HDGFL3: variants seen among roughly 807,000 people sequenced by gnomAD.
HDGFL3 encodes the protein hepatoma-derived growth factor-related protein 3.
HDGFL3 carries 6 observed loss-of-function variants against 27.6 expected under a neutral mutation model. The observed-to-expected ratio is 0.22, with a 90% CI of 0.12 to 0.43. HDGFL3 has a LOEUF of 0.43. HDGFL3 is among the 20% of genes least tolerant of loss of function. The pLI, the probability that HDGFL3 is intolerant of heterozygous loss-of-function variation, is 1.00. For synonymous variants in HDGFL3, 88 were observed against 88.9 expected (o/e 0.99, Z 0.05); for missense variants, 207 against 250.1 (o/e 0.83, Z 1.16).
At chr15:83,169,180 A>T (rs546408038) in intron 1 of HDGFL3, 1 of 440,006 alleles carries the variant, frequency 2.3e-6, no homozygotes, top group Non-Finnish European at 4.6e-6. Flanking sequence ...CAAAAACTGG[A>T]AGCATGCCCC....
intron 3 of HDGFL3, 61 bp downstream of exon 3, chr15:83,157,837 AGATTT>A: frequency 7.0e-7 from 1 of 1,434,628 alleles, no homozygotes; most frequent in South Asian, 1.2e-5. Context: ...CATATAAGAA[AGATTT>A]GAAAAAGCGT....
At chr15:83,144,901 A>C (rs1470059875) in intron 5 of HDGFL3, 3 of 256,034 alleles carry the variant, frequency 1.2e-5, no homozygotes, top group Non-Finnish European at 2.3e-5. Context: ...AGTAGGTGTA[A>C]GCCAATCAGT....
rs58159581 is a variant in HDGFL3, at chr15:83,169,414, CAAAAAAAAAAAAAAAAA to C, written c.85-5356_85-5340del. On this transcript the variant is annotated intron_variant, in intron 1 of 5. Coordinates refer to ENST00000299633, the MANE Select transcript of HDGFL3 (RefSeq NM_016073.4). ...TGGGCGACAGAGCGAGACTCCGTCT[CAAAAAAAAAAAAAAAAA>C]AAAAAAAAAAAAAAAAGAAAGAAAA... Among the ~76,000 whole-genome samples, 74 of 35,578 alleles carry C rather than the reference CAAAAAAAAAAAAAAAAA, an allele frequency of 2.1e-3. 1 individual carries two copies. The East Asian group carries it at 0.061, about 30-fold the overall frequency. The allele number at this position is 35,578 out of a possible 152,430, so 23.3% of individuals were successfully genotyped here.
chr15:83,170,323 G>A lies in HDGFL3; in HGVS notation c.85-6248C>T, dbSNP rs193276107. 1.6e-3 allele frequency among the ~76,000 whole-genome samples: 239 copies of A among 152,196 alleles called. 1 individual carries two copies. The highest frequency in any genetic ancestry group is 5.7e-3 in the African/African-American group (235 of 41,542). ...ACATTACCTGACTTCAAACTATACTGTAAGGCCACATTAACCAAAACAGCA... is the reference window on the plus strand; with the variant it reads ...ACATTACCTGACTTCAAACTATACTATAAGGCCACATTAACCAAAACAGCA... On this transcript the variant is annotated intron_variant, in intron 1 of 5. Transcript: ENST00000299633.
intron 5 of HDGFL3, among the ~76,000 whole-genome samples, chr15:83,147,959 TGGGCAAAACCCAAAACACGCGCTGTACA>T (rs1365631665): frequency 1.3e-5 from 2 of 151,942 alleles, no homozygotes; most frequent in Admixed American, 1.3e-4. Context: ...AATAAGAAAA[TGGGCAAAACCCAAAACACGCGCTGTACA>T]GAAGAGAAAA....
chr15:83,179,605 T>C (rs534447136), intron 1 of HDGFL3, among the ~76,000 whole-genome samples: 19 of 152,330 alleles, frequency 1.2e-4, no homozygotes, highest in African/African-American at 4.6e-4. Flanking sequence ...CAAGGCCTAC[T>C]TCCTTAGTCC....
At chr15:83,148,580 C>T (rs567314586) in intron 5 of HDGFL3, among the ~76,000 whole-genome samples, 1 of 151,924 alleles carries the variant, frequency 6.6e-6, no homozygotes, top group African/African-American at 2.4e-5. Flanking sequence ...CAAGATCGCA[C>T]CACTGTACTC....
intron 2 of HDGFL3, among the ~76,000 whole-genome samples, chr15:83,159,069 G>A (rs1252920327): frequency 6.6e-6 from 1 of 152,110 alleles, no homozygotes; most frequent in East Asian, 1.9e-4. Flanking sequence ...TCGAACTCCT[G>A]ACTTCAGGTG....
rs2036369953 is a variant in HDGFL3 at position 83,133,155 on chromosome 15, C to A, written c.*6115G>T. 1 of 152,238 alleles carries A rather than the reference C, an allele frequency of 6.6e-6. No homozygotes were observed. Among genetic ancestry groups the A allele is most frequent in the African/African-American group, 2.4e-5 (1 of 41,460 alleles). The allele number at this position is 152,238 out of a possible 1,614,324, so 9.4% of individuals were successfully genotyped here. On this transcript the variant is annotated 3_prime_UTR_variant, in exon 6 of 6. Coordinates refer to ENST00000299633, the MANE Select transcript of HDGFL3 (RefSeq NM_016073.4). ...TTTGTGGTGGAGCTGTGATTTGACT[C>A]TGGATGTCTAGTTCCAAAGTCAGTG...
At position 83,143,065 on chromosome 15, in the gene HDGFL3, G is replaced by A. The variant is rs529993280; in HGVS notation, c.607-3790C>T. On this transcript the variant is annotated intron_variant, in intron 5 of 5. Transcript: ENST00000299633. ...GAGTCTTGCTCTGTCACCCAGGCTG[G>A]AGTACAGTGGCACAATCTCAGCTCA... Among the ~76,000 whole-genome samples the A allele has an allele frequency of 4.5e-4, 69 of 152,160 alleles. 3 individuals carry two copies. The South Asian group carries it at 0.014, about 30-fold the overall frequency.
chr15:83,194,232 C>A (rs930810274), intron 1 of HDGFL3, among the ~76,000 whole-genome samples: 1 of 152,058 alleles, frequency 6.6e-6, no homozygotes, highest in African/African-American at 2.4e-5. Context: ...GTTATTCAGT[C>A]TCAAAAAGGA....
chr15:83,191,192 T>C (rs901771197), intron 1 of HDGFL3, among the ~76,000 whole-genome samples: 1 of 152,194 alleles, frequency 6.6e-6, no homozygotes, highest in South Asian at 2.1e-4. Flanking sequence ...TGTGTGTTGA[T>C]AACTGATAGG....
chr15:83,113,630 A>T (rs2034394800), exon 4 of HDGFL3: 1 of 152,436 alleles, frequency 6.6e-6, no homozygotes, highest in African/African-American at 2.4e-5. Context: ...AGCAACAAAC[A>T]TTTATTTTTC....
At chr15:83,187,156 TTC>T (rs1214645463) in intron 1 of HDGFL3, among the ~76,000 whole-genome samples, 3 of 149,404 alleles carry the variant, frequency 2.0e-5, no homozygotes, top group Non-Finnish European at 4.4e-5. Flanking sequence ...TTCTTGGAAA[TTC>T]TTTTTTTTTT....
intron 3 of HDGFL3, among the ~76,000 whole-genome samples, chr15:83,119,142 C>T (rs925448713): frequency 1.3e-5 from 2 of 152,136 alleles, no homozygotes; most frequent in Non-Finnish European, 2.9e-5. Flanking sequence ...ATGCCCAGCC[C>T]AGCAAGCCAC....
intron 4 of HDGFL3, among the ~76,000 whole-genome samples, chr15:83,152,687 A>C (rs2036977930): frequency 6.6e-6 from 1 of 151,374 alleles, no homozygotes; most frequent in African/African-American, 2.4e-5. Flanking sequence ...TGTCTCGAAA[A>C]AAAAAAAAAA....
downstream of HDGFL3, chr15:83,127,502 G>T (rs1328680974): frequency 6.2e-7 from 1 of 1,611,818 alleles, no homozygotes; most frequent in Admixed American, 1.7e-5. Context: ...CTGTTGAGAA[G>T]GTTTACTTGT....
At chr15:83,144,713 G>C in intron 5 of HDGFL3, 1 of 355,864 alleles carries the variant, frequency 2.8e-6, no homozygotes, top group Non-Finnish European at 5.5e-6. Context: ...GATGATCTGA[G>C]TTCCTGCTGA....
At chr15:83,173,354 C>T (rs1441702138) in intron 1 of HDGFL3, among the ~76,000 whole-genome samples, 2 of 152,132 alleles carry the variant, frequency 1.3e-5, no homozygotes, top group African/African-American at 2.4e-5. Flanking sequence ...CAGCTATAGG[C>T]TAATGTAAGT....
Sources: gnomAD v4.1 joint callset for allele counts (sites outside exome capture counted in the v4.1 genomes callset) on GRCh38, gnomAD v4.1.1 for gene constraint, MANE v1.5 for transcripts, NCBI Gene and HGNC (gene_info 2026-07-23, HGNC 2026-07-21) for gene names.